CACNG2: variants seen among roughly 807,000 people sequenced by gnomAD.
CACNG2 encodes the protein calcium voltage-gated channel auxiliary subunit gamma 2, also known as voltage-dependent calcium channel gamma-2 subunit.
A neutral mutation model predicts 25.9 loss-of-function variants in CACNG2; 3 were observed. The ratio of observed to expected loss-of-function variants is 0.12; its 90% confidence interval spans 0.05 to 0.30. The LOEUF is 0.30. Among genes scored for constraint, CACNG2 ranks in the 10% least tolerant of loss-of-function variants. CACNG2 has a pLI of 1.00. For missense variants in CACNG2, 341 were observed against 432.5 expected (o/e 0.79, Z 1.88); for synonymous variants, 167 against 173.3 (o/e 0.96, Z 0.29).
At chr22:36,627,803 C>T (rs973292027) in intron 1 of CACNG2, among the ~76,000 whole-genome samples, 6 of 151,828 alleles carry the variant, frequency 4.0e-5, no homozygotes, top group Admixed American at 2.0e-4. Context: ...CTCTGATTTT[C>T]GAATTTTAGA....
intron 1 of CACNG2, among the ~76,000 whole-genome samples, chr22:36,593,545 G>C (rs1013427222): frequency 1.3e-5 from 2 of 152,090 alleles, no homozygotes; most frequent in Non-Finnish European, 2.9e-5. Flanking sequence ...GGTGTCCTTC[G>C]GGGAAAGCCA....
chr22:36,651,639 G>T (rs953840206), intron 1 of CACNG2, among the ~76,000 whole-genome samples: 1 of 151,944 alleles, frequency 6.6e-6, no homozygotes, highest in African/African-American at 2.4e-5. Flanking sequence ...TTTTGTTATT[G>T]TGTCTCTCCC....
At chr22:36,650,839 A>AC (rs1476182588) in intron 1 of CACNG2, among the ~76,000 whole-genome samples, 1 of 152,152 alleles carries the variant, frequency 6.6e-6, no homozygotes, top group African/African-American at 2.4e-5. Flanking sequence ...ATTGTAAAAC[A>AC]CCACAGGCAC....
chr22:36,561,664 G>T lies in CACNG2; in HGVS notation c.*2687C>A, dbSNP rs1935030793. On this transcript the variant is annotated 3_prime_UTR_variant, in exon 4 of 4. Coordinates refer to ENST00000300105, the MANE Select transcript of CACNG2 (RefSeq NM_006078.5). ...CGGTGTCAAGAAAAATGCAAACCGG[G>T]GGAGACTCGCAGGCAGAGGCAGGGG... 1 of 152,432 alleles carries T rather than the reference G, an allele frequency of 6.6e-6. No individual in the cohort carries two copies. Among genetic ancestry groups the T allele is most frequent in the African/African-American group, 2.4e-5 (1 of 41,444 alleles). The allele number at this position is 152,432 out of a possible 1,614,324, so 9.4% of individuals were successfully genotyped here.
intron 1 of CACNG2, among the ~76,000 whole-genome samples, chr22:36,692,243 T>A (rs1937275851): frequency 1.3e-5 from 2 of 152,088 alleles, no homozygotes; most frequent in Admixed American, 1.3e-4. Context: ...GCACCTGGGA[T>A]CTTGTACCTG....
chr22:36,669,565 G>A (rs1936921636), intron 1 of CACNG2, among the ~76,000 whole-genome samples: 2 of 151,040 alleles, frequency 1.3e-5, no homozygotes, highest in Admixed American at 1.3e-4. Flanking sequence ...GATGCACTTG[G>A]AGTCCAAACC....
At chr22:36,574,236 G>GTAGC (rs1935278243) in intron 2 of CACNG2, among the ~76,000 whole-genome samples, 1 of 152,202 alleles carries the variant, frequency 6.6e-6, no homozygotes, top group Admixed American at 6.5e-5. Flanking sequence ...CTCCAGGGAA[G>GTAGC]CAGTGAGAAG....
chr22:36,577,042 G>A (rs566585220), intron 2 of CACNG2, among the ~76,000 whole-genome samples: 2 of 152,276 alleles, frequency 1.3e-5, no homozygotes, highest in African/African-American at 4.8e-5. Context: ...CAGGAGAAAG[G>A]CTGCCGGAGT....
At chr22:36,658,724 CATG>C (rs1336522060) in intron 1 of CACNG2, among the ~76,000 whole-genome samples, 1 of 152,090 alleles carries the variant, frequency 6.6e-6, no homozygotes, top group Non-Finnish European at 1.5e-5. Context: ...AATCTGTGGG[CATG>C]ATGACAGTGA....
At chr22:36,681,947 G>A (rs1395203315) in intron 1 of CACNG2, among the ~76,000 whole-genome samples, 1 of 152,156 alleles carries the variant, frequency 6.6e-6, no homozygotes, top group African/African-American at 2.4e-5. Flanking sequence ...TATGGCCAAA[G>A]GATGCCAAGT....
At chr22:36,699,649 T>C (rs1601463006) in intron 1 of CACNG2, among the ~76,000 whole-genome samples, 1 of 128,896 alleles carries the variant, frequency 7.8e-6, no homozygotes, top group Non-Finnish European at 1.6e-5. Context: ...GGTTAAGGGG[T>C]GGGGGGTGGG....
intron 1 of CACNG2, among the ~76,000 whole-genome samples, chr22:36,699,383 A>T (rs1937382805): frequency 6.6e-6 from 1 of 151,720 alleles, no homozygotes. Flanking sequence ...GTATCTTCTC[A>T]TTCTTCAGCA....
chr22:36,574,336 A>T (rs1935279982), intron 2 of CACNG2, among the ~76,000 whole-genome samples: 1 of 152,026 alleles, frequency 6.6e-6, no homozygotes, highest in Non-Finnish European at 1.5e-5. Flanking sequence ...TGTCTGAGAG[A>T]TGTTTAGGAG....
chr22:36,582,605 C>T (rs1179087610), intron 2 of CACNG2, among the ~76,000 whole-genome samples: 2 of 151,068 alleles, frequency 1.3e-5, no homozygotes, highest in Non-Finnish European at 2.9e-5. Flanking sequence ...GACGGGGTTT[C>T]TCCATGTTGG....
At chr22:36,630,292 C>T (rs543129812) in intron 1 of CACNG2, among the ~76,000 whole-genome samples, 3 of 151,970 alleles carry the variant, frequency 2.0e-5, no homozygotes, top group Non-Finnish European at 2.9e-5. Flanking sequence ...AAGCTGTGGG[C>T]GTGGACAGGA....
chr22:36,701,699 C>T (rs1601464097), intron 1 of CACNG2, among the ~76,000 whole-genome samples: 3 of 152,158 alleles, frequency 2.0e-5, no homozygotes, highest in Admixed American at 2.0e-4. Flanking sequence ...CTGTGAGAGA[C>T]GTATGTATTT....
At position 36,564,698 on chromosome 22, in the gene CACNG2, G is replaced by C; in HGVS notation, c.625C>G (p.Arg209Gly). The change falls in exon 4 of 4, where the codon CGG becomes GGG. Residue 209 changes from arginine to glycine, a missense_variant. By Grantham distance (125) the Arg-to-Gly change is moderately radical. Around this residue, in one of 2 missense-constraint regions of CACNG2, gnomAD observed 172 missense variants for 178.1 expected, o/e 0.97. Coordinates refer to ENST00000300105, the MANE Select transcript of CACNG2 (RefSeq NM_006078.5). The surrounding 1 kb of genome is among the most constrained non-coding windows in gnomAD (Gnocchi z 6.7). ...HMFIDRHKQL[R>G]ATARATDYLQ... ...TAGTCCGTGGCGCGGGCCGTGGCCC[G>C]CAGCTGTTTGTGCCGGTCGATAAAC... is the stretch of plus-strand genomic sequence containing the variant. 6.2e-7 allele frequency: 1 copy of C among 1,614,098 alleles called. No individual in the cohort carries two copies. The highest frequency in any genetic ancestry group is 8.5e-7 in the Non-Finnish European group (1 of 1,180,036).
chr22:36,619,494 C>A (rs1398570351), intron 1 of CACNG2, among the ~76,000 whole-genome samples: 1 of 152,216 alleles, frequency 6.6e-6, no homozygotes, highest in African/African-American at 2.4e-5. Context: ...GTTCACTACG[C>A]TTTGTCCAAT....
intron 1 of CACNG2, among the ~76,000 whole-genome samples, chr22:36,610,340 T>C (rs1182583056): frequency 2.1e-5 from 3 of 143,636 alleles, no homozygotes; most frequent in Admixed American, 6.9e-5. Context: ...CAGAGCGTGA[T>C]TGGGAGGAGT....
Sources: allele counts gnomAD v4.1 joint callset (sites outside exome capture counted in the v4.1 genomes callset), GRCh38; gene constraint gnomAD v4.1.1; regional missense constraint gnomAD v4.1.1; non-coding constraint Gnocchi (gnomAD v3.1); transcripts MANE v1.5; gene names NCBI Gene and HGNC (gene_info 2026-07-23, HGNC 2026-07-21).